EVI5: variants seen among roughly 807,000 people sequenced by gnomAD.
EVI5 encodes ecotropic viral integration site 5 protein homolog.
In EVI5, 73 loss-of-function variants were observed where a neutral mutation model predicts 112.0. That is an observed-to-expected ratio of 0.65 (90% CI 0.54 to 0.79). The LOEUF (loss-of-function observed/expected upper bound fraction) is 0.79. EVI5 is among the 30% of genes least tolerant of loss of function. The pLI is 0.00. For missense variants in EVI5, 900 were observed against 968.8 expected (o/e 0.93, Z 0.94); for synonymous variants, 305 against 319.9 (o/e 0.95, Z 0.50).
At chr1:92,598,701 C>T (rs768160115) in intron 18 of EVI5, among the ~76,000 whole-genome samples, 1 of 152,044 alleles carries the variant, frequency 6.6e-6, no homozygotes, top group Non-Finnish European at 1.5e-5. Flanking sequence ...AGCATTATAG[C>T]ACAACAGTGT....
chr1:92,674,951 C>T (rs1281077813), intron 10 of EVI5, among the ~76,000 whole-genome samples: 1 of 152,202 alleles, frequency 6.6e-6, no homozygotes, highest in Non-Finnish European at 1.5e-5. Context: ...TCTCTATAGA[C>T]AATTTTATGC....
At chr1:92,782,613 C>G (rs1160274978) in intron 1 of EVI5, among the ~76,000 whole-genome samples, 1 of 152,170 alleles carries the variant, frequency 6.6e-6, no homozygotes, top group Non-Finnish European at 1.5e-5. Flanking sequence ...CAAGCACCAG[C>G]AAGGATGTGG....
Position 92,704,549 on chromosome 1 carries a change from G to A in EVI5, c.339+6C>T. ...GAATAAGAACTTCAACAAAGAACAT[G>A]AATACCTTAACTTGCTTTTCCTTCT... On this transcript the variant is annotated splice_donor_region_variant and intron_variant, in intron 3 of 19. Coordinates refer to ENST00000684568, the MANE Select transcript of EVI5 (RefSeq NM_001350197.2). 1 of 1,539,272 alleles carries A rather than the reference G, an allele frequency of 6.5e-7. No individual in the cohort carries two copies. The highest frequency in any genetic ancestry group is 8.8e-7 in the Non-Finnish European group (1 of 1,136,650).
At chr1:92,724,737 G>A (rs1281442536) in intron 2 of EVI5, among the ~76,000 whole-genome samples, 7 of 152,066 alleles carry the variant, frequency 4.6e-5, no homozygotes, top group African/African-American at 1.7e-4. Context: ...GAGCCCAGGA[G>A]GTCAAGGATG....
chr1:92,626,909 A>G (rs192310676), intron 14 of EVI5, among the ~76,000 whole-genome samples: 53 of 152,356 alleles, frequency 3.5e-4, no homozygotes, highest in African/African-American at 1.3e-3. Context: ...TCTGTGTATT[A>G]GTCACTATTT....
chr1:92,789,329 T>C (rs112351361), upstream of EVI5, among the ~76,000 whole-genome samples: 2 of 151,808 alleles, frequency 1.3e-5, no homozygotes, highest in African/African-American at 4.8e-5. Flanking sequence ...TCTTTTTTTT[T>C]TCTCGCTCCG....
At chr1:92,602,158 A>AC (rs1649313527) in intron 18 of EVI5, among the ~76,000 whole-genome samples, 2 of 152,138 alleles carry the variant, frequency 1.3e-5, no homozygotes, top group African/African-American at 4.8e-5. Flanking sequence ...TATAATATGT[A>AC]AGTTTGGAAA....
intron 5 of EVI5, 117 bp downstream of exon 5, chr1:92,702,024 G>T: frequency 1.9e-6 from 1 of 517,096 alleles, no homozygotes; most frequent in Non-Finnish European, 3.4e-6. Flanking sequence ...TTCAAATTAT[G>T]CCTAGGAAAA....
At position 92,611,698 on chromosome 1, in the gene EVI5, C is replaced by CA. The variant is rs35037095; in HGVS notation, c.1828-3972dup. Among the ~76,000 whole-genome samples the CA allele has an allele frequency of 5.3e-3, 465 of 88,512 alleles. 11 individuals are homozygous for CA. Among genetic ancestry groups the CA allele is most frequent in the African/African-American group, 0.018 (391 of 21,498 alleles). The allele number at this position is 88,512 out of a possible 152,430, so 58.1% of individuals were successfully genotyped here. On this transcript the variant is annotated intron_variant, in intron 16 of 19. Transcript: ENST00000684568. ...TGGGTGACAGAGTGAGACTCCGTCACAAAAAAAAAAAAAAAAAAAAAGAGT... is the reference window on the plus strand; with the variant it reads ...TGGGTGACAGAGTGAGACTCCGTCACAAAAAAAAAAAAAAAAAAAAAAGAGT...
intron 14 of EVI5, among the ~76,000 whole-genome samples, chr1:92,633,151 T>A (rs971985767): frequency 6.6e-6 from 1 of 152,210 alleles, no homozygotes; most frequent in Non-Finnish European, 1.5e-5. Context: ...TATATTCTGT[T>A]GATTTGGGGT....
rs1659267360 is a variant in EVI5, at chr1:92,512,810, CA to C, written c.*845del. 6.7e-6 allele frequency: 1 copy of C among 150,296 alleles called. No individual in the cohort carries two copies. The highest frequency in any genetic ancestry group is 1.9e-4 in the East Asian group (1 of 5,170). 9.3% of individuals were successfully genotyped at this position (150,296 alleles called of 1,614,324 possible). A position where few individuals can be genotyped will look rare whatever the true frequency, so the allele number is the denominator to read the frequency against. On this transcript the variant is annotated 3_prime_UTR_variant, in exon 20 of 20. Coordinates refer to ENST00000684568, the MANE Select transcript of EVI5 (RefSeq NM_001350197.2). ...CTTTCAGTGGCCCACCAATAATTTT[CA>C]TGAAAAAATAAAAATAGAAAAAAAA...
intron 16 of EVI5, among the ~76,000 whole-genome samples, chr1:92,609,433 C>A (rs571246685): frequency 3.5e-5 from 4 of 113,690 alleles, no homozygotes. Flanking sequence ...CCTTGGCTCA[C>A]TGCAACCTCC....
chr1:92,723,954 T>G (rs1675153582), intron 2 of EVI5, among the ~76,000 whole-genome samples: 1 of 152,164 alleles, frequency 6.6e-6, no homozygotes, highest in Non-Finnish European at 1.5e-5. Flanking sequence ...ACCCTCAGAC[T>G]TACTAGGATT....
At chr1:92,701,596 A>T (rs1198239010) in intron 5 of EVI5, among the ~76,000 whole-genome samples, 1 of 152,102 alleles carries the variant, frequency 6.6e-6, no homozygotes, top group Non-Finnish European at 1.5e-5. Flanking sequence ...AGCTATGATT[A>T]TCCTACCCCC....
intron 19 of EVI5, among the ~76,000 whole-genome samples, chr1:92,529,110 C>G (rs1662419060): frequency 6.6e-6 from 1 of 152,148 alleles, no homozygotes; most frequent in Admixed American, 6.5e-5. Flanking sequence ...CAAAATTGCT[C>G]TTTATATGTT....
At chr1:92,568,812 TTAA>T (rs1476801154) in intron 18 of EVI5, among the ~76,000 whole-genome samples, 1 of 152,256 alleles carries the variant, frequency 6.6e-6, no homozygotes, top group Non-Finnish European at 1.5e-5. Context: ...TATGATTTTC[TTAA>T]TAACATTTTC....
intron 18 of EVI5, among the ~76,000 whole-genome samples, chr1:92,594,635 CA>C (rs1428697715): frequency 0.016 from 2,372 of 151,002 alleles, 56 homozygotes; most frequent in African/African-American, 0.055. Context: ...AGGCAGCCTA[CA>C]GAATGGGAGA....
At chr1:92,604,382 G>A (rs1218335938) in intron 18 of EVI5, among the ~76,000 whole-genome samples, 1 of 22,084 alleles carries the variant, frequency 4.5e-5, no homozygotes, top group Non-Finnish European at 7.9e-5. Flanking sequence ...AAACATTTGT[G>A]TTAAAAACTA....
chr1:92,739,779 G>A (rs1678068799), intron 1 of EVI5, among the ~76,000 whole-genome samples: 2 of 151,518 alleles, frequency 1.3e-5, no homozygotes, highest in Non-Finnish European at 2.9e-5. Flanking sequence ...AATCATGAGG[G>A]AGAAAAGGAC....
Sources: gnomAD v4.1 joint callset for allele counts (sites outside exome capture counted in the v4.1 genomes callset) on GRCh38, gnomAD v4.1.1 for gene constraint, MANE v1.5 for transcripts, NCBI Gene and HGNC (gene_info 2026-07-23, HGNC 2026-07-21) for gene names.